Variants in RINT1 observed in about 807,000 individuals in gnomAD.
RINT1 encodes the protein RAD50-interacting protein 1.
In RINT1, 75 loss-of-function variants were observed where a neutral mutation model predicts 97.7. The ratio of observed to expected loss-of-function variants is 0.77; its 90% confidence interval spans 0.64 to 0.93. RINT1 has a LOEUF of 0.93. Among genes scored for constraint, RINT1 ranks in the 40% least tolerant of loss-of-function variants. The pLI, the probability that RINT1 is intolerant of heterozygous loss-of-function variation, is 0.00. For synonymous variants in RINT1, 303 were observed against 326.3 expected (o/e 0.93, Z 0.77); for missense variants, 892 against 925.2 (o/e 0.96, Z 0.47).
chr7:105,534,337 G>A (rs1400509441), intron 2 of RINT1, among the ~76,000 whole-genome samples: 1 of 151,978 alleles, frequency 6.6e-6, no homozygotes, highest in Non-Finnish European at 1.5e-5. Context: ...CCAAAGTGCT[G>A]GGATTATAGG....
At chr7:105,548,025 C>T (rs1443191711) in intron 6 of RINT1, among the ~76,000 whole-genome samples, 1 of 151,660 alleles carries the variant, frequency 6.6e-6, no homozygotes, top group Non-Finnish European at 1.5e-5. Context: ...CTGCACCTGG[C>T]TCATTTTTGT....
At chr7:105,554,174 A>G (rs1012832611) in intron 10 of RINT1, among the ~76,000 whole-genome samples, 3 of 151,934 alleles carry the variant, frequency 2.0e-5, no homozygotes, top group Non-Finnish European at 4.4e-5. Flanking sequence ...CTGGGATTAC[A>G]GGCGTGAGCC....
chr7:105,551,375 A>G (rs1250793654), intron 9 of RINT1, among the ~76,000 whole-genome samples, 195 bp from the exon 10 acceptor site: 1 of 152,046 alleles, frequency 6.6e-6, no homozygotes, highest in African/African-American at 2.4e-5. Flanking sequence ...CAACATAACT[A>G]TTTTCAGAAT....
At chr7:105,554,445 T>C (rs201503477) in intron 10 of RINT1, among the ~76,000 whole-genome samples, 8 of 151,902 alleles carry the variant, frequency 5.3e-5, no homozygotes, top group Middle Eastern at 3.4e-3. Flanking sequence ...TTCTTTCTTT[T>C]TTTTTTTTTG....
intron 2 of RINT1, 50 bp downstream of exon 2, chr7:105,532,919 C>T (rs1490814183): frequency 1.3e-6 from 2 of 1,556,078 alleles, no homozygotes; most frequent in Non-Finnish European, 1.8e-6. Flanking sequence ...CAAACTCAGC[C>T]TTCCAGGGTC....
rs202008558 is a variant in RINT1, at chr7:105,567,152, C to T, written c.2220C>T (p.Asn740=). The change falls in exon 15 of 15, where the codon AAC becomes AAT. Residue 740 remains asparagine, a synonymous_variant. Transcript: ENST00000257700. ...AAGCCTGTATTGTTTTGAATTTGAA[C>T]GTCGGTTCTGCACTACTGCTGAAAG... ...IKEACIVLNL[N]VGSALLLKDV... 32 of 1,584,564 alleles carry T rather than the reference C, an allele frequency of 2.0e-5. No individual in the cohort carries two copies. Among genetic ancestry groups the T allele is most frequent in the Admixed American group, 3.9e-5 (2 of 51,512 alleles).
chr7:105,554,441 CTT>C (rs371511372), intron 10 of RINT1, among the ~76,000 whole-genome samples: 10 of 140,900 alleles, frequency 7.1e-5, no homozygotes, highest in Admixed American at 2.1e-4. Flanking sequence ...TTTTTTCTTT[CTT>C]TTTTTTTTTT....
intron 3 of RINT1, chr7:105,541,477 T>C (rs965012302): frequency 2.0e-5 from 3 of 151,652 alleles, no homozygotes; most frequent in African/African-American, 7.3e-5. Context: ...AGGTAGAGCA[T>C]GTATTAATAA....
intron 12 of RINT1, 139 bp from the exon 13 acceptor site, chr7:105,565,138 G>C: frequency 1.7e-6 from 1 of 580,552 alleles, no homozygotes. Context: ...TTTTCTGATA[G>C]AGCTTTTAAT....
At chr7:105,559,755 T>A (rs1011667055) in intron 11 of RINT1, among the ~76,000 whole-genome samples, 3 of 152,130 alleles carry the variant, frequency 2.0e-5, no homozygotes, top group African/African-American at 7.2e-5. Flanking sequence ...TAGTGCAAGT[T>A]CTGTCTTAAC....
chr7:105,551,285 G>A (rs1243063318), intron 9 of RINT1, among the ~76,000 whole-genome samples: 1 of 152,102 alleles, frequency 6.6e-6, no homozygotes, highest in East Asian at 1.9e-4. Context: ...CACCCACCTT[G>A]GCCTCCTGGA....
intron 11 of RINT1, among the ~76,000 whole-genome samples, chr7:105,557,105 AAATAG>A (rs1258608058): frequency 6.6e-6 from 1 of 152,208 alleles, no homozygotes; most frequent in Non-Finnish European, 1.5e-5. Flanking sequence ...TGAAATGGTA[AAATAG>A]AATAGACATT....
intron 4 of RINT1, 115 bp from the exon 5 acceptor site, chr7:105,546,795 G>T: frequency 1.4e-6 from 1 of 689,892 alleles, no homozygotes; most frequent in South Asian, 2.0e-5. Context: ...AGAATCACTT[G>T]AACCTGGGAC....
intron 11 of RINT1, among the ~76,000 whole-genome samples, chr7:105,558,820 G>A (rs1005128770): frequency 6.9e-6 from 1 of 145,096 alleles, no homozygotes; most frequent in Non-Finnish European, 1.5e-5. Context: ...AATTAACTGG[G>A]CATGGCAGGC....
At chr7:105,561,310 C>G (rs1791425970) in intron 11 of RINT1, among the ~76,000 whole-genome samples, 1 of 151,916 alleles carries the variant, frequency 6.6e-6, no homozygotes, top group Non-Finnish European at 1.5e-5. Flanking sequence ...AGTGGATCAC[C>G]TGAGGTCAGG....
At chr7:105,561,687 G>A (rs551041082) in intron 11 of RINT1, among the ~76,000 whole-genome samples, 4 of 152,026 alleles carry the variant, frequency 2.6e-5, no homozygotes, top group South Asian at 2.1e-4. Flanking sequence ...TCAGCCTCCC[G>A]AGTAGCTGGG....
At chr7:105,564,707 A>G (rs1362769832) in intron 12 of RINT1, among the ~76,000 whole-genome samples, 2 of 152,218 alleles carry the variant, frequency 1.3e-5, no homozygotes, top group Non-Finnish European at 2.9e-5. Flanking sequence ...CTTAATTAAA[A>G]TGCTAAAATC....
Position 105,532,365 on chromosome 7 carries a change from G to A in RINT1, c.42+8G>A, listed in dbSNP as rs1183399693. The A allele has an allele frequency of 6.2e-7, 1 of 1,600,898 alleles. No homozygotes were observed. Among genetic ancestry groups the A allele is most frequent in the Non-Finnish European group, 8.5e-7 (1 of 1,175,214 alleles). On this transcript the variant is annotated splice_region_variant and intron_variant, in intron 1 of 14. Coordinates refer to ENST00000257700, the MANE Select transcript of RINT1 (RefSeq NM_021930.6). The stretch of plus-strand genomic sequence containing the variant: ...GCCTCTCCTGCAGCCCCGGTGAGAC[G>A]GCCCTGGCGTCCCTGGGAGGGGACA...
At chr7:105,565,680 G>T in intron 14 of RINT1, 32 bp downstream of exon 14, 1 of 1,389,232 alleles carries the variant, frequency 7.2e-7, no homozygotes, top group Non-Finnish European at 1.0e-6. Context: ...TAATATTAAT[G>T]TATCAAATTG....
Sources: gnomAD v4.1 joint callset for allele counts (sites outside exome capture counted in the v4.1 genomes callset) on GRCh38, gnomAD v4.1.1 for gene constraint, MANE v1.5 for transcripts, NCBI Gene and HGNC (gene_info 2026-07-23, HGNC 2026-07-21) for gene names.